Variants in KDM5D observed in about 807,000 individuals in gnomAD.
The protein encoded by KDM5D is lysine-specific demethylase 5D.
KDM5D carries 25 observed loss-of-function variants against 31.9 expected under a neutral mutation model. The ratio of observed to expected loss-of-function variants is 0.78; its 90% CI spans 0.57 to 1.09. The LOEUF (loss-of-function observed/expected upper bound fraction) is 1.09, where lower values mean the gene tolerates loss of function less well. KDM5D is among the 50% of genes least tolerant of loss of function. The pLI is 0.00. For synonymous variants in KDM5D, 146 were observed against 122.3 expected (o/e 1.19, Z -1.28); for missense variants, 366 against 341.6 (o/e 1.07, Z -0.56).
chrY:19,743,511 G>A, intron 2 of KDM5D, among the ~76,000 whole-genome samples: 1 of 29,126 alleles, frequency 3.4e-5, no homozygotes, highest in Non-Finnish European at 8.0e-5. Flanking sequence ...GCTAGAAAGC[G>A]ACTCGACTTC....
intron 13 of KDM5D, among the ~76,000 whole-genome samples, chrY:19,717,274 T>C (rs1360890025): frequency 6.0e-5 from 2 of 33,165 alleles, no homozygotes; most frequent in African/African-American, 2.4e-4. Context: ...GTGCAGCTGA[T>C]TGGTGCCAGG....
At chrY:19,739,688 C>T (rs2045535536) in intron 5 of KDM5D, 26 bp from the exon 6 acceptor site, 1 of 344,999 alleles carries the variant, frequency 2.9e-6, no homozygotes, top group Non-Finnish European at 4.1e-6. Flanking sequence ...TATATAGAAT[C>T]AGAAATTGAG....
chrY:19,706,907 C>A (rs779505481), intron 24 of KDM5D, 44 bp from the exon 25 acceptor site: 1 of 338,316 alleles, frequency 3.0e-6, no homozygotes, highest in Non-Finnish European at 4.4e-6. Flanking sequence ...AGCTGATGAA[C>A]CAGGTCCTAT....
At chrY:19,707,097 G>A in intron 24 of KDM5D, 50 bp downstream of exon 24, 1 of 384,668 alleles carries the variant, frequency 2.6e-6, no homozygotes, top group Admixed American at 7.6e-5. Flanking sequence ...AAGAAGGACA[G>A]GGGCTAGAAG....
In KDM5D at chrY:19,716,347, C is replaced by G; in HGVS notation, c.1963G>C (p.Ala655Pro). 1 of 398,979 alleles carries G rather than the reference C, an allele frequency of 2.5e-6. No homozygotes were observed. The highest frequency in any genetic ancestry group is 3.5e-6 in the Non-Finnish European group (1 of 283,374). Residue 655 changes from alanine (A) to proline (P), a missense_variant, in exon 15 of 27, where the codon GCT (alanine) becomes CCT (proline). Ala to Pro is a conservative substitution (Grantham distance 27, BLOSUM62 -1). Transcript: ENST00000317961. ...PETLDLNLAV[A>P]VHKEMFIMVQ... ...ATAATGAACATCTCCTTGTGCACAGCTACTGCTAGATTGAGATCCAACGTC... is the reference window on the plus strand; with the variant it reads ...ATAATGAACATCTCCTTGTGCACAGGTACTGCTAGATTGAGATCCAACGTC...
In KDM5D at chrY:19,739,465, A is replaced by G. The variant is rs940718750; in HGVS notation, c.657+63T>C. On this transcript the variant is annotated intron_variant, in intron 6 of 26. Coordinates refer to ENST00000317961, the MANE Select transcript of KDM5D (RefSeq NM_004653.5). ...TGCATTCAGCAATGAATTTTCCCCA[A>G]TATCAAGGTCTAGATGAACCTTCTC... 1.8e-4 allele frequency: 59 copies of G among 322,152 alleles called. No homozygotes were observed. The Admixed American group carries it at 4.9e-3, about 27-fold the overall frequency. The allele number at this position is 322,152 out of a possible 400,897, so 80.4% of individuals were successfully genotyped here.
intron 6 of KDM5D, among the ~76,000 whole-genome samples, chrY:19,736,078 C>A: frequency 3.1e-5 from 1 of 32,720 alleles, no homozygotes; most frequent in Non-Finnish European, 7.5e-5. Context: ...AAATAAGCCC[C>A]CCTCTCCAAC....
Position 19,708,369 on chromosome Y carries a change from G to A in KDM5D, c.3136C>T (p.Arg1046Trp). The change falls in exon 22 of 27, where the codon CGG becomes TGG. Residue 1046 changes from arginine (R) to tryptophan (W), a missense_variant. Physicochemically the swap from Arg to Trp is moderately radical, Grantham distance 101 (BLOSUM62 -3). Coordinates refer to ENST00000317961, the MANE Select transcript of KDM5D (RefSeq NM_004653.5). ...TCTTCCAGCCCCACAGGCAGGTCCCGGCCCACAGCCACCAGGCCCTCCAAG... is the reference window on the plus strand; with the variant it reads ...TCTTCCAGCCCCACAGGCAGGTCCCAGCCCACAGCCACCAGGCCCTCCAAG... ...DDLEGLVAVG[R>W]DLPVGLEELR... 3 of 394,771 alleles carry A rather than the reference G, an allele frequency of 7.6e-6. No individual in the cohort carries two copies. Among genetic ancestry groups the A allele is most frequent in the Admixed American group, 7.5e-5 (1 of 13,324 alleles).
intron 5 of KDM5D, among the ~76,000 whole-genome samples, chrY:19,740,573 T>C (rs757396085): frequency 6.0e-5 from 2 of 33,444 alleles, no homozygotes; most frequent in African/African-American, 1.2e-4. Context: ...ATTAACTTAT[T>C]ATGTAAAATT....
chrY:19,711,977 G>T (rs2045301149), intron 18 of KDM5D, among the ~76,000 whole-genome samples: 1 of 33,530 alleles, frequency 3.0e-5, no homozygotes, highest in African/African-American at 1.2e-4. Context: ...TATCCATTCT[G>T]CTATGTACTT....
chrY:19,730,693 G>C (rs2045466286), intron 11 of KDM5D, among the ~76,000 whole-genome samples: 1 of 32,910 alleles, frequency 3.0e-5, no homozygotes, highest in Non-Finnish European at 7.5e-5. Context: ...GAACGTCATA[G>C]AGTATACTCA....
At chrY:19,728,432 C>T in intron 11 of KDM5D, among the ~76,000 whole-genome samples, 1 of 32,930 alleles carries the variant, frequency 3.0e-5, no homozygotes, top group Non-Finnish European at 7.5e-5. Context: ...GATCTCGGCT[C>T]ACTGCAAGCT....
At chrY:19,710,668 G>A (rs2045291683) in intron 18 of KDM5D, 196 bp from the exon 19 acceptor site, 1 of 136,838 alleles carries the variant, frequency 7.3e-6, no homozygotes, top group Admixed American at 1.3e-4. Flanking sequence ...AGATATCAAA[G>A]TCAGAGAGTC....
At chrY:19,708,113 C>G in intron 22 of KDM5D, 42 bp from the exon 23 acceptor site, 1 of 379,606 alleles carries the variant, frequency 2.6e-6, no homozygotes, top group Non-Finnish European at 3.7e-6. Context: ...ACCAGGCTTC[C>G]CTCACCAACT....
At chrY:19,738,658 G>T (rs2045527364) in intron 6 of KDM5D, among the ~76,000 whole-genome samples, 1 of 33,773 alleles carries the variant, frequency 3.0e-5, no homozygotes, top group Non-Finnish European at 7.4e-5. Flanking sequence ...TCCTCCCAGG[G>T]TTAGCTACTC....
Position 19,741,787 on chromosome Y carries a change from A to G in KDM5D, c.299T>C (p.Leu100Ser). 1 of 388,681 alleles carries G rather than the reference A, an allele frequency of 2.6e-6. No individual in the cohort carries two copies. The highest frequency in any genetic ancestry group is 3.6e-6 in the Non-Finnish European group (1 of 274,364). ...AKFWEIQGSS[L>S]KIPNVERKIL... Reference sequence around the variant, plus strand: ...CTTCCGCTCCACATTGGGAATCTTTAAAGAGGAGCCTTGAATTTCCCAGAA... The same window carrying G: ...CTTCCGCTCCACATTGGGAATCTTTGAAGAGGAGCCTTGAATTTCCCAGAA... Residue 100 changes from leucine (L) to serine (S), a missense_variant, in exon 4 of 27, where the codon TTA (leucine) becomes TCA (serine). Physicochemically the swap from Leu to Ser is moderately radical, Grantham distance 145. Coordinates refer to ENST00000317961, the MANE Select transcript of KDM5D (RefSeq NM_004653.5).
Position 19,706,784 on chromosome Y carries a change from C to A in KDM5D, c.4069+10G>T. ...TAGCCAACAGCCTACCCAAACCACA[C>A]CTGTCTTACCAGAGCCCTTTCCTGG... is the stretch of plus-strand genomic sequence containing the variant. On this transcript the variant is annotated intron_variant, in intron 25 of 26. Coordinates refer to ENST00000317961, the MANE Select transcript of KDM5D (RefSeq NM_004653.5). 1 of 391,913 alleles carries A rather than the reference C, an allele frequency of 2.6e-6. No individual in the cohort carries two copies. Among genetic ancestry groups the A allele is most frequent in the Non-Finnish European group, 3.6e-6 (1 of 277,016 alleles).
Position 19,721,243 on chromosome Y carries a change from G to A in KDM5D, c.1440C>T (p.Ile480=). ...CCTTCATGCCTGAGATGTCTGCATTGATGTGACAGAGAACAGACTGATCTA... is the reference window on the plus strand; with the variant it reads ...CCTTCATGCCTGAGATGTCTGCATTAATGTGACAGAGAACAGACTGATCTA... ...PVLDQSVLCH[I]NADISGMKVP... is the part of the protein sequence containing the mutation. Residue 480 remains isoleucine (I), a synonymous_variant, in exon 12 of 27, where the codon ATC becomes ATT. Transcript: ENST00000317961. 2.5e-6 allele frequency: 1 copy of A among 395,103 alleles called. No homozygotes were observed. The highest frequency in any genetic ancestry group is 3.0e-5 in the South Asian group (1 of 33,548).
intron 11 of KDM5D, among the ~76,000 whole-genome samples, chrY:19,729,386 A>T: frequency 3.1e-5 from 1 of 32,774 alleles, no homozygotes; most frequent in African/African-American, 1.2e-4. Flanking sequence ...GGATGCAATC[A>T]TCAGTCACAA....
Sources: gnomAD v4.1 joint callset for allele counts (sites outside exome capture counted in the v4.1 genomes callset) on GRCh38, gnomAD v4.1.1 for gene constraint, MANE v1.5 for transcripts, NCBI Gene and HGNC (gene_info 2026-07-23, HGNC 2026-07-21) for gene names.